PITPNM2: variants seen among roughly 807,000 people sequenced by gnomAD.
The protein encoded by PITPNM2 is membrane-associated phosphatidylinositol transfer protein 2.
In PITPNM2, 35 loss-of-function variants were observed where a neutral mutation model predicts 132.2. That is an observed-to-expected ratio of 0.26 (90% CI 0.20 to 0.35). PITPNM2 has a LOEUF of 0.35. Ranked by LOEUF, PITPNM2 falls within the 10% of genes least tolerant of loss-of-function variation. The pLI is 1.00. For synonymous variants in PITPNM2, 738 were observed against 799.2 expected (o/e 0.92, Z 1.29); for missense variants, 1,332 against 1,912.0 (o/e 0.70, Z 5.66).
intron 3 of PITPNM2, chr12:123,021,782 C>G: frequency 1.2e-6 from 1 of 866,492 alleles, no homozygotes; most frequent in Non-Finnish European, 1.4e-6. Context: ...GGTACAAACC[C>G]TCCTCTTTTT....
At chr12:123,013,678 C>G in intron 4 of PITPNM2, 150 bp downstream of exon 4, 1 of 905,400 alleles carries the variant, frequency 1.1e-6, no homozygotes, top group South Asian at 1.6e-5. Context: ...TTCGGGGCAC[C>G]TGTATGGAAC....
At chr12:123,043,325 G>T (rs955908946) in intron 2 of PITPNM2, among the ~76,000 whole-genome samples, 11 of 152,072 alleles carry the variant, frequency 7.2e-5, no homozygotes, top group Non-Finnish European at 1.5e-4. Context: ...ATGAGGCAGG[G>T]GTGGCCAGGC....
At chr12:123,124,252 G>A (rs1243583064) in intron 1 of PITPNM2, among the ~76,000 whole-genome samples, 10 of 151,730 alleles carry the variant, frequency 6.6e-5, no homozygotes, top group Non-Finnish European at 8.8e-5. Context: ...GTGAGACTCC[G>A]TCTCAAAAAA....
chr12:123,094,891 A>G (rs2137152601), intron 2 of PITPNM2, among the ~76,000 whole-genome samples: 1 of 152,356 alleles, frequency 6.6e-6, no homozygotes, highest in East Asian at 1.9e-4. Flanking sequence ...GACTGCAGCC[A>G]CACAACCTCT....
chr12:122,999,415 T>C (rs1266628143), intron 10 of PITPNM2, among the ~76,000 whole-genome samples: 1 of 152,162 alleles, frequency 6.6e-6, no homozygotes, highest in Non-Finnish European at 1.5e-5. Context: ...ACATGAGCCC[T>C]GTTGGGCTTT....
chr12:123,042,874 C>T (rs1027564991), intron 2 of PITPNM2, among the ~76,000 whole-genome samples: 7 of 152,094 alleles, frequency 4.6e-5, no homozygotes, highest in African/African-American at 7.2e-5. Context: ...GCAGCACAGA[C>T]GGATAAGGGG....
intron 2 of PITPNM2, among the ~76,000 whole-genome samples, chr12:123,079,645 C>A (rs1474264949): frequency 6.6e-6 from 1 of 152,128 alleles, no homozygotes; most frequent in Non-Finnish European, 1.5e-5. Flanking sequence ...CCGTGCCCGG[C>A]CTCTCTCTCA....
chr12:123,000,121 G>T lies in PITPNM2; in HGVS notation c.1224+657C>A, dbSNP rs1158520603. On this transcript the variant is annotated intron_variant, in intron 10 of 25. Transcript: ENST00000320201. This position sits in a 1 kb window ranked among gnomAD's most constrained non-coding sequence, Gnocchi z 5.4. The stretch of plus-strand genomic sequence containing the variant: ...TCCCCGGGGGCCCGAGTTCCCCACA[G>T]AAGTGGTGCTGCCTCCACCTTAGGT... 6.6e-6 allele frequency among the ~76,000 whole-genome samples: 1 copy of T among 152,228 alleles called. No homozygotes were observed. The highest frequency in any genetic ancestry group is 1.5e-5 in the Non-Finnish European group (1 of 68,042).
intron 2 of PITPNM2, among the ~76,000 whole-genome samples, chr12:123,063,605 C>A (rs1016676365): frequency 1.3e-5 from 2 of 152,186 alleles, no homozygotes; most frequent in Non-Finnish European, 2.9e-5. Context: ...CTCTGTCCTA[C>A]ACCAGGGCTC....
chr12:123,025,838 A>T (rs1259190673), intron 3 of PITPNM2, among the ~76,000 whole-genome samples: 1 of 152,204 alleles, frequency 6.6e-6, no homozygotes, highest in Non-Finnish European at 1.5e-5. Flanking sequence ...AGTGCTTTGC[A>T]TGTACATTCT....
rs965404072 is a variant in PITPNM2 at position 123,095,355 on chromosome 12, C to T, written c.-96+15030G>A. The stretch of plus-strand genomic sequence containing the variant: ...GATCCCGCTTGGCAGCCCCTGCTGA[C>T]GATTGCTCTGCGCTGCCATCTTTAG... On this transcript the variant is annotated intron_variant, in intron 2 of 25. Coordinates refer to ENST00000320201, the MANE Select transcript of PITPNM2 (RefSeq NM_020845.3). The surrounding 1 kb of genome is among the most constrained non-coding windows in gnomAD (Gnocchi z 5.0). Among the ~76,000 whole-genome samples the T allele has an allele frequency of 1.3e-5, 2 of 152,208 alleles. No homozygotes were observed. Among genetic ancestry groups the T allele is most frequent in the African/African-American group, 4.8e-5 (2 of 41,454 alleles).
chr12:123,008,324 G>A lies in PITPNM2; in HGVS notation c.643+1526C>T, dbSNP rs1451085292. On this transcript the variant is annotated intron_variant, in intron 6 of 25. Coordinates refer to ENST00000320201, the MANE Select transcript of PITPNM2 (RefSeq NM_020845.3). The surrounding 1 kb of genome is among the most constrained non-coding windows in gnomAD (Gnocchi z 4.1). ...TGCAGCCTTAGTAGGTCTGCTGGGTGTCCTGTGCAGGGCTGAACCTAGAGA... is the reference window on the plus strand; with the variant it reads ...TGCAGCCTTAGTAGGTCTGCTGGGTATCCTGTGCAGGGCTGAACCTAGAGA... Among the ~76,000 whole-genome samples the A allele has an allele frequency of 1.3e-5, 2 of 152,200 alleles. No individual in the cohort carries two copies. The highest frequency in any genetic ancestry group is 6.5e-5 in the Admixed American group (1 of 15,290).
Position 123,001,247 on chromosome 12 carries a change from T to C in PITPNM2, c.1049-89A>G, listed in dbSNP as rs950523856. Reference sequence around the variant, plus strand: ...GTGGGGACGCCCCTGTGTACGGCTCTGCTCTGACCGTTCCTCAACAGGACG... The same window carrying C: ...GTGGGGACGCCCCTGTGTACGGCTCCGCTCTGACCGTTCCTCAACAGGACG... On this transcript the variant is annotated intron_variant, in intron 8 of 25. Transcript: ENST00000320201. The C allele has an allele frequency of 4.1e-6, 4 of 968,914 alleles. No homozygotes were observed. The African/African-American group carries it at 6.4e-5, about 15-fold the overall frequency. 60.0% of individuals were successfully genotyped at this position (968,914 alleles called of 1,614,324 possible).
At chr12:123,128,470 G>A (rs538042864) in intron 1 of PITPNM2, among the ~76,000 whole-genome samples, 2 of 148,308 alleles carry the variant, frequency 1.3e-5, no homozygotes, top group Non-Finnish European at 3.0e-5. Context: ...AAAAAGGTGG[G>A]GGGGCAGGCG....
intron 16 of PITPNM2, chr12:122,991,856 C>A: frequency 2.3e-6 from 3 of 1,307,700 alleles, no homozygotes; most frequent in Non-Finnish European, 2.9e-6. Context: ...GGCCAGGGGG[C>A]CGCCCTCCAG....
At chr12:123,070,952 A>G (rs1452801248) in intron 2 of PITPNM2, among the ~76,000 whole-genome samples, 1 of 152,240 alleles carries the variant, frequency 6.6e-6, no homozygotes, top group Non-Finnish European at 1.5e-5. Context: ...AGGGGGATGC[A>G]GGGAAGGAGG....
chr12:123,033,099 C>T (rs753398901), intron 3 of PITPNM2, among the ~76,000 whole-genome samples: 1 of 152,226 alleles, frequency 6.6e-6, no homozygotes, highest in Non-Finnish European at 1.5e-5. Flanking sequence ...GAAGCCTTTC[C>T]CCCACACCAA....
Position 123,083,415 on chromosome 12 carries a change from T to C in PITPNM2, c.-96+26970A>G, listed in dbSNP as rs2042020545. On this transcript the variant is annotated intron_variant, in intron 2 of 25. Transcript: ENST00000320201. The surrounding 1 kb of genome is among the most constrained non-coding windows in gnomAD (Gnocchi z 4.5). ...TCAAATGTCTGTGCCTGGCCTGGAG[T>C]TATGTCCCTCACCCCCACTGTAGAC... The C allele has an allele frequency of 6.6e-6, 1 of 151,996 alleles. No individual in the cohort carries two copies. The highest frequency in any genetic ancestry group is 2.4e-5 in the African/African-American group (1 of 41,348). 9.4% of individuals were successfully genotyped at this position (151,996 alleles called of 1,614,324 possible).
intron 2 of PITPNM2, chr12:123,081,529 G>A (rs1362493290): frequency 1.3e-5 from 2 of 152,264 alleles, no homozygotes; most frequent in Admixed American, 6.5e-5. Context: ...ACATAGCCAC[G>A]AAGCTGCTTT....
Sources: allele counts gnomAD v4.1 joint callset (sites outside exome capture counted in the v4.1 genomes callset), GRCh38; gene constraint gnomAD v4.1.1; non-coding constraint Gnocchi (gnomAD v3.1); transcripts MANE v1.5; gene names NCBI Gene and HGNC (gene_info 2026-07-23, HGNC 2026-07-21).